The following RBMS3 variants were observed in gnomAD, a reference collection of about 807,000 sequenced individuals.
RBMS3 encodes the protein RNA-binding motif, single-stranded-interacting protein 3.
A neutral mutation model predicts 66.8 loss-of-function variants in RBMS3; 27 were observed. The ratio of observed to expected loss-of-function variants is 0.40; its 90% CI spans 0.30 to 0.56. The LOEUF (loss-of-function observed/expected upper bound fraction) is 0.56, where lower values mean the gene tolerates loss of function less well. Ranked by LOEUF, RBMS3 falls within the 20% of genes least tolerant of loss-of-function variation. RBMS3 has a pLI of 0.40. For synonymous variants in RBMS3, 188 were observed against 183.0 expected (o/e 1.03, Z -0.22); for missense variants, 513 against 549.5 (o/e 0.93, Z 0.66).
intron 5 of RBMS3, among the ~76,000 whole-genome samples, chr3:29,761,041 G>C (rs1179529391): frequency 6.8e-6 from 1 of 147,690 alleles, no homozygotes; most frequent in Non-Finnish European, 1.5e-5. Context: ...GTCATAGCAG[G>C]ATCAGCTACT....
chr3:29,474,526 A>G (rs1207318966), intron 2 of RBMS3, among the ~76,000 whole-genome samples: 1 of 152,220 alleles, frequency 6.6e-6, no homozygotes, highest in Admixed American at 6.5e-5. Context: ...TTTACATAGG[A>G]TTAACATCCT....
chr3:29,355,908 T>G (rs75724903), intron 1 of RBMS3, among the ~76,000 whole-genome samples: 1 of 152,112 alleles, frequency 6.6e-6, no homozygotes, highest in South Asian at 2.1e-4. Context: ...TCTGTACCTC[T>G]GGAAAGTTCC....
intron 10 of RBMS3, among the ~76,000 whole-genome samples, chr3:29,910,711 G>T (rs1475667125): frequency 1.3e-5 from 2 of 151,614 alleles, no homozygotes; most frequent in Non-Finnish European, 2.9e-5. Context: ...GGTGTAGGAG[G>T]GAGGGAAGTG....
At chr3:29,651,590 G>GA (rs2050146298) in intron 4 of RBMS3, among the ~76,000 whole-genome samples, 1 of 151,858 alleles carries the variant, frequency 6.6e-6, no homozygotes, top group Non-Finnish European at 1.5e-5. Context: ...TACACACACC[G>GA]AAAAACCACA....
At chr3:29,770,559 A>G (rs1203258884) in intron 6 of RBMS3, among the ~76,000 whole-genome samples, 2 of 151,956 alleles carry the variant, frequency 1.3e-5, no homozygotes, top group Non-Finnish European at 2.9e-5. Flanking sequence ...TTTTCTATAC[A>G]TCTCCAAAAT....
chr3:29,564,443 G>T (rs1425960858), intron 3 of RBMS3, among the ~76,000 whole-genome samples: 2 of 150,706 alleles, frequency 1.3e-5, no homozygotes, highest in African/African-American at 2.4e-5. Flanking sequence ...CCGAGATCGT[G>T]CTATTGCGCT....
chr3:29,378,535 G>A (rs2038604233), intron 1 of RBMS3, among the ~76,000 whole-genome samples: 1 of 151,248 alleles, frequency 6.6e-6, no homozygotes, highest in South Asian at 2.1e-4. Flanking sequence ...GGTATTGTGA[G>A]GATTAAATGA....
intron 8 of RBMS3, among the ~76,000 whole-genome samples, chr3:29,884,609 G>T (rs1238717907): frequency 6.6e-6 from 1 of 151,410 alleles, no homozygotes; most frequent in Non-Finnish European, 1.5e-5. Flanking sequence ...TTTCTTTCTG[G>T]TGATCAGGGG....
At chr3:29,676,748 T>G (rs1447234167) in intron 4 of RBMS3, among the ~76,000 whole-genome samples, 1 of 152,224 alleles carries the variant, frequency 6.6e-6, no homozygotes, top group Non-Finnish European at 1.5e-5. Context: ...GTGCATATTT[T>G]TAAATACCTT....
chr3:29,663,312 A>G (rs184782583), intron 4 of RBMS3, among the ~76,000 whole-genome samples: 14 of 152,340 alleles, frequency 9.2e-5, no homozygotes, highest in Middle Eastern at 3.4e-3. Context: ...AATAACCTCT[A>G]AAATTCCTTA....
chr3:29,977,492 G>A (rs1697670125), intron 12 of RBMS3, among the ~76,000 whole-genome samples: 1 of 151,782 alleles, frequency 6.6e-6, no homozygotes, highest in African/African-American at 2.4e-5. Flanking sequence ...AACTGAAATA[G>A]GCAAAAACAC....
chr3:29,683,184 T>C (rs1424018161), intron 4 of RBMS3, among the ~76,000 whole-genome samples: 1 of 152,226 alleles, frequency 6.6e-6, no homozygotes, highest in Non-Finnish European at 1.5e-5. Flanking sequence ...ATAGCCTCCA[T>C]GTGATCTTTC....
intron 1 of RBMS3, among the ~76,000 whole-genome samples, chr3:29,411,571 T>G (rs2125685179): frequency 6.6e-6 from 1 of 152,310 alleles, no homozygotes; most frequent in African/African-American, 2.4e-5. Flanking sequence ...GCTAATAATG[T>G]TGTGTTAAAA....
chr3:29,289,802 A>G (rs1345184153), intron 1 of RBMS3, among the ~76,000 whole-genome samples: 1 of 151,842 alleles, frequency 6.6e-6, no homozygotes, highest in Middle Eastern at 3.2e-3. Context: ...TTTAGACTTA[A>G]CTTTCCTATC....
At chr3:29,702,814 C>T (rs1576566651) in intron 4 of RBMS3, among the ~76,000 whole-genome samples, 2 of 152,178 alleles carry the variant, frequency 1.3e-5, no homozygotes, top group African/African-American at 2.4e-5. Flanking sequence ...CACGTCCGAA[C>T]GTCAGAAGGA....
chr3:29,492,098 A>G (rs1318633059), intron 3 of RBMS3, among the ~76,000 whole-genome samples: 3 of 152,260 alleles, frequency 2.0e-5, no homozygotes, highest in East Asian at 3.9e-4. Flanking sequence ...AAAGCCTCCC[A>G]TTGCCTTGCT....
In RBMS3 at chr3:29,925,676, G is replaced by A. The variant is rs181118238; in HGVS notation, c.940-10410G>A. The stretch of plus-strand genomic sequence containing the variant: ...AATAGAAAATTCACTCAGAGCCCTG[G>A]CAGACCAAATGCAGAGCTAAGCTTT... On this transcript the variant is annotated intron_variant, in intron 10 of 14. Transcript: ENST00000383767. 2.7e-3 allele frequency among the ~76,000 whole-genome samples: 416 copies of A among 152,170 alleles called. 2 individuals are homozygous for A. The highest frequency in any genetic ancestry group is 4.1e-3 in the Non-Finnish European group (278 of 68,002).
At chr3:29,716,258 A>G (rs1386322112) in intron 4 of RBMS3, among the ~76,000 whole-genome samples, 1 of 152,154 alleles carries the variant, frequency 6.6e-6, no homozygotes, top group Non-Finnish European at 1.5e-5. Context: ...AGTTACCACA[A>G]TTAAGATATC....
intron 3 of RBMS3, among the ~76,000 whole-genome samples, chr3:29,493,839 T>C (rs1357566865): frequency 1.3e-5 from 2 of 152,186 alleles, no homozygotes; most frequent in Non-Finnish European, 2.9e-5. Flanking sequence ...GAGTACTTCT[T>C]GACCATTGCT....
Sources: allele counts gnomAD v4.1 joint callset (sites outside exome capture counted in the v4.1 genomes callset), GRCh38; gene constraint gnomAD v4.1.1; transcripts MANE v1.5; gene names NCBI Gene and HGNC (gene_info 2026-07-23, HGNC 2026-07-21).